The following NARS2 variants were observed in gnomAD, a reference collection of about 807,000 sequenced individuals.
The protein encoded by NARS2 is asparaginyl-tRNA synthetase 2, mitochondrial.
In NARS2, 60 loss-of-function variants were observed where a neutral mutation model predicts 62.9. That is an observed-to-expected ratio of 0.95 (90% CI 0.77 to 1.18). The LOEUF (loss-of-function observed/expected upper bound fraction) is 1.18. Among genes scored for constraint, NARS2 ranks in the 50% most tolerant of loss-of-function variants. NARS2 has a pLI of 0.00. For missense variants in NARS2, 619 were observed against 576.4 expected (o/e 1.07, Z -0.76); for synonymous variants, 196 against 200.0 (o/e 0.98, Z 0.17).
chr11:78,542,770 G>A (rs368222162), intron 5 of NARS2, among the ~76,000 whole-genome samples: 16 of 152,124 alleles, frequency 1.1e-4, no homozygotes, highest in African/African-American at 2.7e-4. Flanking sequence ...GTGGTGGTGC[G>A]CACCTGTAGT....
intron 5 of NARS2, among the ~76,000 whole-genome samples, chr11:78,550,203 C>T (rs989793588): frequency 6.6e-5 from 10 of 152,180 alleles, no homozygotes; most frequent in African/African-American, 2.4e-4. Flanking sequence ...CACTTTTAAT[C>T]AGCATGATAA....
intron 5 of NARS2, among the ~76,000 whole-genome samples, chr11:78,534,440 G>A (rs1200090874): frequency 6.6e-6 from 1 of 151,898 alleles, no homozygotes; most frequent in Non-Finnish European, 1.5e-5. Context: ...ATTTTTTTTA[G>A]GAATCTATGA....
chr11:78,553,283 A>C (rs1856196564), intron 5 of NARS2, among the ~76,000 whole-genome samples: 1 of 147,668 alleles, frequency 6.8e-6, no homozygotes, highest in Non-Finnish European at 1.5e-5. Flanking sequence ...TGTCCTTTGC[A>C]CCCCCCCTTT....
At position 78,500,679 on chromosome 11, in the gene NARS2, T is replaced by C. The variant is rs1590782933; in HGVS notation, c.690-7484A>G. 3.3e-5 allele frequency among the ~76,000 whole-genome samples: 5 copies of C among 152,208 alleles called. No individual in the cohort carries two copies. In the East Asian group the frequency reaches 9.6e-4, roughly 29 times the overall value. On this transcript the variant is annotated intron_variant, in intron 6 of 13. Coordinates refer to ENST00000281038, the MANE Select transcript of NARS2 (RefSeq NM_024678.6). ...TATAGATGGGGGTTTCACCATGTTGTAAAGATCCCTTTACACTTCAAATTA... is the reference window on the plus strand; with the variant it reads ...TATAGATGGGGGTTTCACCATGTTGCAAAGATCCCTTTACACTTCAAATTA...
intron 5 of NARS2, among the ~76,000 whole-genome samples, chr11:78,538,369 G>C (rs1228819569): frequency 6.6e-6 from 1 of 152,130 alleles, no homozygotes; most frequent in Non-Finnish European, 1.5e-5. Context: ...CTACATGAGA[G>C]AGAGCAATAA....
chr11:78,471,625 CT>C (rs1858879083), intron 9 of NARS2, among the ~76,000 whole-genome samples: 1 of 151,534 alleles, frequency 6.6e-6, no homozygotes, highest in South Asian at 2.1e-4. Flanking sequence ...TGCTGGTGCG[CT>C]GCACCCACTA....
At chr11:78,439,729 G>C (rs1054717955) in intron 13 of NARS2, among the ~76,000 whole-genome samples, 3 of 152,092 alleles carry the variant, frequency 2.0e-5, no homozygotes, top group Admixed American at 6.5e-5. Context: ...ACCAAAAGGC[G>C]AGGGTGTAGG....
At chr11:78,519,985 G>A (rs746698040) in intron 6 of NARS2, among the ~76,000 whole-genome samples, 1 of 151,948 alleles carries the variant, frequency 6.6e-6, no homozygotes, top group Non-Finnish European at 1.5e-5. Context: ...GAGCCACCAC[G>A]TCCAGCTAGT....
intron 5 of NARS2, among the ~76,000 whole-genome samples, chr11:78,544,039 A>AAAAAAAAAAAG (rs1309641115): frequency 6.6e-6 from 1 of 150,838 alleles, no homozygotes. Context: ...AAAAAAAAAA[A>AAAAAAAAAAAG]ACTCTCTCTC....
chr11:78,546,266 T>C (rs1267283029), intron 5 of NARS2, among the ~76,000 whole-genome samples: 2 of 152,196 alleles, frequency 1.3e-5, no homozygotes, highest in African/African-American at 4.8e-5. Flanking sequence ...CACAAATAGT[T>C]TGAGGTCTCA....
Position 78,436,752 on chromosome 11 carries a change from C to T in NARS2, c.1352G>A (p.Arg451His), listed in dbSNP as rs1336550340. The T allele has an allele frequency of 5.0e-6, 8 of 1,613,998 alleles. No homozygotes were observed. In the Admixed American group the frequency reaches 5.0e-5, roughly 10 times the overall value. ...AACACCCAAGATGCACTGCAGGTAG[C>T]GTTCAAATCCCATCCCAAAACCTCC... ...PHGGFGMGFERYLQCILGVDN... is the reference protein window; with the variant it reads ...PHGGFGMGFEHYLQCILGVDN... Residue 451 changes from arginine (R) to histidine (H), a missense_variant, in exon 14 of 14, where the codon CGC (arginine) becomes CAC (histidine). By Grantham distance (29) the Arg-to-His change is conservative. Transcript: ENST00000281038.
chr11:78,487,647 A>G (rs1304092045), intron 7 of NARS2, among the ~76,000 whole-genome samples: 1 of 152,314 alleles, frequency 6.6e-6, no homozygotes. Flanking sequence ...ATACCTAGAC[A>G]TATCATAATC....
intron 11 of NARS2, among the ~76,000 whole-genome samples, chr11:78,446,963 C>G (rs1857782438): frequency 6.6e-6 from 1 of 150,968 alleles, no homozygotes; most frequent in Non-Finnish European, 1.5e-5. Flanking sequence ...GGGTTAATAC[C>G]CAAAATACAT....
chr11:78,562,628 AG>A (rs987188942), intron 4 of NARS2, among the ~76,000 whole-genome samples: 1 of 152,228 alleles, frequency 6.6e-6, no homozygotes, highest in Non-Finnish European at 1.5e-5. Flanking sequence ...ACTGGAATTT[AG>A]AAAAAATTGG....
intron 4 of NARS2, among the ~76,000 whole-genome samples, chr11:78,560,154 T>C (rs547760111): frequency 6.6e-5 from 10 of 152,214 alleles, no homozygotes; most frequent in African/African-American, 1.4e-4. Context: ...AGTAGACAAA[T>C]AGAGACTGAA....
At chr11:78,499,590 C>T (rs555972501) in intron 6 of NARS2, among the ~76,000 whole-genome samples, 2 of 152,328 alleles carry the variant, frequency 1.3e-5, no homozygotes, top group Admixed American at 6.5e-5. Context: ...AAAACTGTCA[C>T]ATATTTTTGC....
intron 11 of NARS2, among the ~76,000 whole-genome samples, chr11:78,461,078 A>T (rs951084488): frequency 6.6e-6 from 1 of 152,182 alleles, no homozygotes; most frequent in Non-Finnish European, 1.5e-5. Context: ...AGTATCCTCG[A>T]ATTTTGCTAT....
At chr11:78,461,095 G>T (rs562103107) in intron 11 of NARS2, among the ~76,000 whole-genome samples, 26 of 152,290 alleles carry the variant, frequency 1.7e-4, no homozygotes, top group African/African-American at 6.3e-4. Flanking sequence ...CTATCTGAGA[G>T]GGGGCTAGTG....
chr11:78,529,025 A>C, intron 5 of NARS2, 89 bp from the exon 6 acceptor site: 1 of 835,726 alleles, frequency 1.2e-6, no homozygotes, highest in South Asian at 1.5e-5. Context: ...TAAAAATCAC[A>C]ATGCAATTAA....
Sources: gnomAD v4.1 joint callset for allele counts (sites outside exome capture counted in the v4.1 genomes callset) on GRCh38, gnomAD v4.1.1 for gene constraint, MANE v1.5 for transcripts, NCBI Gene and HGNC (gene_info 2026-07-23, HGNC 2026-07-21) for gene names.